Variants in AEN observed in about 807,000 individuals in gnomAD.
AEN encodes the protein apoptosis-enhancing nuclease.
AEN carries 21 observed loss-of-function variants against 17.7 expected under a neutral mutation model. The ratio of observed to expected loss-of-function variants is 1.19; its 90% CI spans 0.84 to 1.71. The LOEUF (loss-of-function observed/expected upper bound fraction) is 1.71. Ranked by LOEUF, AEN falls within the 40% of genes most tolerant of loss-of-function variation. The pLI, the probability that AEN is intolerant of heterozygous loss-of-function variation, is 0.00. For missense variants in AEN, 462 were observed against 435.9 expected (o/e 1.06, Z -0.53); for synonymous variants, 190 against 173.0 (o/e 1.10, Z -0.77).
chr15:88,611,864 T>C, the AEN span: 1 of 521,592 alleles, frequency 1.9e-6, no homozygotes, highest in South Asian at 1.4e-5. Context: ...TCTGGAAGAC[T>C]AGTGATTTTG....
chr15:88,610,476 G>C, the AEN span, among the ~76,000 whole-genome samples: 2 of 152,086 alleles, frequency 1.3e-5, no homozygotes, highest in Non-Finnish European at 2.9e-5. Context: ...CTCTGGGGGA[G>C]GAACACCTCT....
At chr15:88,617,441 C>T (rs1461125356), upstream of AEN, among the ~76,000 whole-genome samples, 2 of 152,126 alleles carry the variant, frequency 1.3e-5, no homozygotes, top group East Asian at 1.9e-4. Flanking sequence ...TTAGTAGAGA[C>T]AGGATTTCAC....
chr15:88,622,773 C>T (rs1021302927), intron 1 of AEN, among the ~76,000 whole-genome samples: 7 of 152,186 alleles, frequency 4.6e-5, no homozygotes, highest in Admixed American at 2.0e-4. Flanking sequence ...GGTTTTGGGT[C>T]TGGTGCGTGG....
At chr15:88,613,953 G>A in the AEN span, among the ~76,000 whole-genome samples, 1 of 151,962 alleles carries the variant, frequency 6.6e-6, no homozygotes, top group Non-Finnish European at 1.5e-5. Context: ...TCCTGAAATA[G>A]GAAAAAATGG....
chr15:88,615,666 ATCCC>A, the AEN span, among the ~76,000 whole-genome samples: 1 of 152,032 alleles, frequency 6.6e-6, no homozygotes. Context: ...TCTGGGCCTC[ATCCC>A]CTGACTTTCT....
chr15:88,614,885 TG>T, the AEN span, among the ~76,000 whole-genome samples: 318 of 151,886 alleles, frequency 2.1e-3, 6 homozygotes, highest in Admixed American at 0.015. Context: ...TTGTTGTTGT[TG>T]TTGTTTTGTT....
At chr15:88,624,878 C>A (rs369190083) in intron 1 of AEN, among the ~76,000 whole-genome samples, 2 of 38,298 alleles carry the variant, frequency 5.2e-5, no homozygotes, top group Admixed American at 2.6e-4. Flanking sequence ...AACGAAACTC[C>A]GCCTCAAAAA....
chr15:88,617,724 T>C (rs2057749775), upstream of AEN, among the ~76,000 whole-genome samples: 1 of 151,940 alleles, frequency 6.6e-6, no homozygotes, highest in African/African-American at 2.4e-5. Context: ...AACTCATGGA[T>C]TCCCCTCTAT....
upstream of AEN, among the ~76,000 whole-genome samples, chr15:88,617,670 G>A (rs1346184884): frequency 2.0e-5 from 3 of 151,206 alleles, no homozygotes; most frequent in African/African-American, 4.9e-5. Context: ...CCTCAACCCC[G>A]TCTCTCGGGT....
chr15:88,613,142 A>G, the AEN span, among the ~76,000 whole-genome samples: 2 of 152,156 alleles, frequency 1.3e-5, no homozygotes, highest in Non-Finnish European at 2.9e-5. Flanking sequence ...TAAAAATGCA[A>G]CCATTAGCTG....
the AEN span, chr15:88,611,871 TTTG>T: frequency 7.7e-6 from 4 of 521,670 alleles, no homozygotes; most frequent in African/African-American, 3.9e-5. Context: ...GACTAGTGAT[TTTG>T]TTGTTGTCTT....
At chr15:88,614,441 T>C in the AEN span, among the ~76,000 whole-genome samples, 6 of 152,280 alleles carry the variant, frequency 3.9e-5, no homozygotes, top group South Asian at 1.2e-3. Context: ...GCTCAGGTGA[T>C]CCTACCACCT....
rs1450964787 is a variant in AEN, at chr15:88,629,972, G to C, written c.742-86G>C. The C allele has an allele frequency of 1.9e-5, 24 of 1,283,072 alleles. No individual in the cohort carries two copies. In the Admixed American group the frequency reaches 3.7e-4, roughly 20 times the overall value. The allele number at this position is 1,283,072 out of a possible 1,614,324, so 79.5% of individuals were successfully genotyped here. On this transcript the variant is annotated intron_variant, in intron 3 of 3. Transcript: ENST00000332810. The stretch of plus-strand genomic sequence containing the variant: ...ATACGTATTCTTGGGCCTGCACAAA[G>C]AGCCCTGGGAAACTGGCCTTGCTTC...
rs915938347 is a variant in AEN at position 88,631,423 on chromosome 15, A to G, written c.*1129A>G. 1 of 243,486 alleles carries G rather than the reference A, an allele frequency of 4.1e-6. No individual in the cohort carries two copies. The highest frequency in any genetic ancestry group is 2.2e-5 in the African/African-American group (1 of 45,022). The allele number at this position is 243,486 out of a possible 1,614,324, so 15.1% of individuals were successfully genotyped here. A position where few individuals can be genotyped will look rare whatever the true frequency, so the allele number is the denominator to read the frequency against. ...AAGTGACAGTTTTGAAGTATTGGAT[A>G]ACCAAGAGCTCAGGTCACACAGACC... On this transcript the variant is annotated 3_prime_UTR_variant, in exon 4 of 4. Transcript: ENST00000332810.
Position 88,626,460 on chromosome 15 carries a change from T to C in AEN, c.251T>C (p.Leu84Pro), listed in dbSNP as rs764077951. The change falls in exon 2 of 4, where the codon CTG (leucine) becomes CCG (proline). Residue 84 changes from leucine to proline, a missense_variant. Coordinates refer to ENST00000332810, the MANE Select transcript of AEN (RefSeq NM_022767.4). Reference sequence around the variant, plus strand: ...GCTGCCAGCAGTGGGAAGCAGTGTCTGAGGGCTGGATCTGGCAGTGCCCCA... The same window carrying C: ...GCTGCCAGCAGTGGGAAGCAGTGTCCGAGGGCTGGATCTGGCAGTGCCCCA... ...TEAASSGKQC[L>P]RAGSGSAPCS... 31 of 1,613,930 alleles carry C rather than the reference T, an allele frequency of 1.9e-5. No individual in the cohort carries two copies. The South Asian group carries it at 3.3e-4, about 17-fold the overall frequency.
chr15:88,615,361 C>A, the AEN span, among the ~76,000 whole-genome samples: 10 of 152,124 alleles, frequency 6.6e-5, no homozygotes, highest in South Asian at 1.9e-3. Context: ...CTGAGAATCC[C>A]GGACATTCTC....
chr15:88,629,461 G>C, intron 3 of AEN, 35 bp downstream of exon 3: 10 of 1,601,284 alleles, frequency 6.2e-6, no homozygotes, highest in Non-Finnish European at 8.5e-6. Flanking sequence ...AGGGAGGGAG[G>C]CCCGCCTGGC....
chr15:88,608,245 A>G, the AEN span: 2 of 484,096 alleles, frequency 4.1e-6, no homozygotes, highest in Admixed American at 2.0e-5. Context: ...AGTTCCATCC[A>G]GTAGCAAAGG....
At chr15:88,614,012 C>T in the AEN span, among the ~76,000 whole-genome samples, 1 of 152,006 alleles carries the variant, frequency 6.6e-6, no homozygotes, top group African/African-American at 2.4e-5. Flanking sequence ...GAATTTAATC[C>T]TATTTAAATA....
Sources: gnomAD v4.1 joint callset for allele counts (sites outside exome capture counted in the v4.1 genomes callset) on GRCh38, gnomAD v4.1.1 for gene constraint, MANE v1.5 for transcripts, NCBI Gene and HGNC (gene_info 2026-07-23, HGNC 2026-07-21) for gene names.